Variants in DAB2IP observed in about 807,000 individuals in gnomAD.
DAB2IP encodes disabled homolog 2-interacting protein.
A neutral mutation model predicts 107.2 loss-of-function variants in DAB2IP; 28 were observed. The ratio of observed to expected loss-of-function variants is 0.26; its 90% CI spans 0.19 to 0.36. The LOEUF (loss-of-function observed/expected upper bound fraction) is 0.36, where lower values mean the gene tolerates loss of function less well. Among genes scored for constraint, DAB2IP ranks in the 10% least tolerant of loss-of-function variants. The pLI is 1.00. For synonymous variants in DAB2IP, 755 were observed against 706.4 expected (o/e 1.07, Z -1.09); for missense variants, 1,400 against 1,644.7 (o/e 0.85, Z 2.57).
chr9:121,700,764 C>T (rs953128599), intron 3 of DAB2IP, among the ~76,000 whole-genome samples: 2 of 152,160 alleles, frequency 1.3e-5, no homozygotes, highest in African/African-American at 4.8e-5. Flanking sequence ...GAGCCGCGCT[C>T]TCCAGTGCAT....
chr9:121,768,686 A>G (rs1276050092), intron 10 of DAB2IP, 53 bp downstream of exon 10: 3 of 1,601,560 alleles, frequency 1.9e-6, no homozygotes, highest in African/African-American at 2.7e-5. Flanking sequence ...TCAGGCTTTT[A>G]GTGTTCCCCC....
At chr9:121,727,203 C>T (rs1831281117) in intron 3 of DAB2IP, among the ~76,000 whole-genome samples, 1 of 152,210 alleles carries the variant, frequency 6.6e-6, no homozygotes, top group African/African-American at 2.4e-5. Context: ...CCCTCAAGCC[C>T]CACCTTGAAG....
intron 1 of DAB2IP, among the ~76,000 whole-genome samples, chr9:121,583,350 C>A (rs1380057613): frequency 1.3e-5 from 2 of 152,068 alleles, no homozygotes; most frequent in Non-Finnish European, 2.9e-5. Context: ...GAGATCACAC[C>A]GCTGCACTCC....
In DAB2IP at chr9:121,772,589, G is replaced by A. The variant is rs896840448; in HGVS notation, c.2079-18G>A. 3.1e-6 allele frequency: 5 copies of A among 1,601,404 alleles called. No homozygotes were observed. The highest frequency in any genetic ancestry group is 1.7e-5 in the Admixed American group (1 of 59,496). ...TTCTTTTCCCCTTCTTTCCCTGTGTGTGCTTGTCTCCCTGCAGTCTGATAG... is the reference window on the plus strand; with the variant it reads ...TTCTTTTCCCCTTCTTTCCCTGTGTATGCTTGTCTCCCTGCAGTCTGATAG... On this transcript the variant is annotated intron_variant, in intron 11 of 15. Transcript: ENST00000408936. This position sits in a 1 kb window ranked among gnomAD's most constrained non-coding sequence, Gnocchi z 4.7.
At position 121,776,296 on chromosome 9, in the gene DAB2IP, G is replaced by T. The variant is rs1195594145; in HGVS notation, c.3219G>T (p.Leu1073=). 6.3e-7 allele frequency: 1 copy of T among 1,576,028 alleles called. No homozygotes were observed. Among genetic ancestry groups the T allele is most frequent in the Non-Finnish European group, 8.6e-7 (1 of 1,160,790 alleles). The change falls in exon 14 of 16, where the codon CTG becomes CTT. Residue 1073 remains leucine, a synonymous_variant. Coordinates refer to ENST00000408936, the Ensembl canonical transcript of DAB2IP. The surrounding 1 kb of genome is among the most constrained non-coding windows in gnomAD (Gnocchi z 5.4). ...GCCAGGAGGAGACGACGCAGAAGCT[G>T]GTGCTGGAGTACCAGGCACGGCTGG...
rs146070436 is a variant in DAB2IP at position 121,773,967 on chromosome 9, C to T, written c.2968-293C>T. ...GACAGCCCAGCCTGGCCCTGTCCCCCACTCAGTGCAGCCTGCCCCGGTGCC... is the reference window on the plus strand; with the variant it reads ...GACAGCCCAGCCTGGCCCTGTCCCCTACTCAGTGCAGCCTGCCCCGGTGCC... On this transcript the variant is annotated intron_variant, in intron 12 of 15. Coordinates refer to ENST00000408936, the Ensembl canonical transcript of DAB2IP. Among the ~76,000 whole-genome samples the T allele has an allele frequency of 2.9e-3, 448 of 152,330 alleles. 2 individuals are homozygous for T. Among genetic ancestry groups the T allele is most frequent in the Admixed American group, 9.1e-3 (140 of 15,306 alleles).
intron 4 of DAB2IP, 45 bp from the exon 5 acceptor site, chr9:121,758,853 C>T (rs775457416): frequency 1.3e-6 from 2 of 1,569,054 alleles, no homozygotes; most frequent in Admixed American, 3.5e-5. Context: ...CCTGCCCTTG[C>T]TGTGGTCCCT....
At chr9:121,649,558 G>C (rs1366094294), upstream of DAB2IP, among the ~76,000 whole-genome samples, 2 of 152,150 alleles carry the variant, frequency 1.3e-5, no homozygotes, top group African/African-American at 2.4e-5. Flanking sequence ...AACAAAATGG[G>C]CCAGATGAAC....
chr9:121,656,467 C>T (rs1170812948), intron 1 of DAB2IP, among the ~76,000 whole-genome samples: 1 of 152,242 alleles, frequency 6.6e-6, no homozygotes, highest in Non-Finnish European at 1.5e-5. Context: ...CTCTCTGCCT[C>T]CACCTTGGAT....
chr9:121,631,813 TAAAAAAAA>T (rs752400251), intron 1 of DAB2IP, among the ~76,000 whole-genome samples: 2 of 58,896 alleles, frequency 3.4e-5, no homozygotes, highest in African/African-American at 7.1e-5. Context: ...AGACTCCGTC[TAAAAAAAA>T]AAAAAAAAAA....
rs1282093981 is a variant in DAB2IP at position 121,701,038 on chromosome 9, T to G, written c.362+1580T>G. ...ACCGGGCCCCTGCCTTCGGCTGTCT[T>G]CCCCAGGAACATGCCCTTCTCCGCG... On this transcript the variant is annotated intron_variant, in intron 3 of 15. Transcript: ENST00000408936. The surrounding 1 kb of genome is among the most constrained non-coding windows in gnomAD (Gnocchi z 4.7). Among the ~76,000 whole-genome samples, 1 of 152,242 alleles carries G rather than the reference T, an allele frequency of 6.6e-6. No individual in the cohort carries two copies. The highest frequency in any genetic ancestry group is 1.5e-5 in the Non-Finnish European group (1 of 68,048).
intron 2 of DAB2IP, among the ~76,000 whole-genome samples, chr9:121,686,198 C>T (rs1438183503): frequency 6.6e-6 from 1 of 152,200 alleles, no homozygotes; most frequent in Non-Finnish European, 1.5e-5. Flanking sequence ...CCCCCAACAT[C>T]TGTGCTCAGA....
upstream of DAB2IP, among the ~76,000 whole-genome samples, chr9:121,650,358 C>T (rs868229861): frequency 7.9e-5 from 12 of 152,228 alleles, no homozygotes; most frequent in African/African-American, 4.8e-5. Flanking sequence ...GGACCCTCCC[C>T]GCTGGCTGAG....
rs57330489 is a variant in DAB2IP at position 121,625,351 on chromosome 9, C to T, written c.41-53327C>T. ...GCCTCCTGGGTTTAAGCGATTCTTG[C>T]GCCTCAGCCCCCGAGTAGCTGAGAC... On this transcript the variant is annotated intron_variant, in intron 1 of 16. Transcript: ENST00000259371. Among the ~76,000 whole-genome samples, 815 of 150,270 alleles carry T rather than the reference C, an allele frequency of 5.4e-3. 8 individuals are homozygous for T. The highest frequency in any genetic ancestry group is 0.019 in the African/African-American group (788 of 40,910).
chr9:121,768,566 T>A, exon 10 of DAB2IP: 8 of 1,614,072 alleles, frequency 5.0e-6, no homozygotes, highest in Non-Finnish European at 6.8e-6. Flanking sequence ...GAGGGCTACA[T>A]CGACCTGGGC....
intron 1 of DAB2IP, among the ~76,000 whole-genome samples, chr9:121,593,310 C>T (rs1042508068): frequency 5.3e-5 from 8 of 152,102 alleles, no homozygotes; most frequent in Non-Finnish European, 1.0e-4. Context: ...CTTTGTTGTC[C>T]AGGCTAGAGT....
At position 121,572,882 on chromosome 9, in the gene DAB2IP, GA is replaced by G. The variant is rs1447572922; in HGVS notation, c.40+5656del. Among the ~76,000 whole-genome samples the G allele has an allele frequency of 3.9e-5, 6 of 152,230 alleles. No homozygotes were observed. In the East Asian group the frequency reaches 1.2e-3, roughly 29 times the overall value. On this transcript the variant is annotated intron_variant, in intron 1 of 16. Coordinates refer to the DAB2IP transcript ENST00000259371. ...GTGGAGCAGGCAGCTCAAAAGCTCA[GA>G]ACTTTCCATTTCTTCCTGATGACAA...
In DAB2IP at chr9:121,772,685, C is replaced by T. The variant is rs944327306; in HGVS notation, c.2157C>T (p.Val719=). The stretch of plus-strand genomic sequence containing the variant: ...TTTTTGTCACAAGGTCCTCCGGGGT[C>T]CAGCCCTCACCTGCCCGCAGCTCGA... Residue 719 remains valine, a synonymous_variant, in exon 12 of 16, where the codon GTC becomes GTT. Transcript: ENST00000408936. This position sits in a 1 kb window ranked among gnomAD's most constrained non-coding sequence, Gnocchi z 4.7. The T allele has an allele frequency of 6.2e-7, 1 of 1,614,094 alleles. No individual in the cohort carries two copies. The highest frequency in any genetic ancestry group is 2.2e-5 in the East Asian group (1 of 44,892).
chr9:121,652,242 CA>C (rs1293920406), intron 1 of DAB2IP, among the ~76,000 whole-genome samples: 1 of 152,174 alleles, frequency 6.6e-6, no homozygotes, highest in Non-Finnish European at 1.5e-5. Context: ...TGAGCTTTCC[CA>C]CACCTTGCCT....
Sources: gnomAD v4.1 joint callset for allele counts (sites outside exome capture counted in the v4.1 genomes callset) on GRCh38, gnomAD v4.1.1 for gene constraint, Gnocchi (gnomAD v3.1) non-coding constraint, MANE v1.5 for transcripts, NCBI Gene and HGNC (gene_info 2026-07-23, HGNC 2026-07-21) for gene names.